Variants in PTP4A1 observed in about 807,000 individuals in gnomAD.
The protein encoded by PTP4A1 is protein tyrosine phosphatase type IVA 1.
PTP4A1 carries 9 observed loss-of-function variants against 20.5 expected under a neutral mutation model. That is an observed-to-expected ratio of 0.44 (90% CI 0.26 to 0.77). The LOEUF (loss-of-function observed/expected upper bound fraction) is 0.77, where lower values mean the gene tolerates loss of function less well. Ranked by LOEUF, PTP4A1 falls within the 30% of genes least tolerant of loss-of-function variation. The pLI is 0.19. For synonymous variants in PTP4A1, 78 were observed against 67.4 expected (o/e 1.16, Z -0.77); for missense variants, 137 against 218.8 (o/e 0.63, Z 2.36).
chr6:63,533,883 G>A (rs182829013), intron 2 of PTP4A1, among the ~76,000 whole-genome samples: 32 of 151,702 alleles, frequency 2.1e-4, no homozygotes, highest in Middle Eastern at 6.8e-3. Flanking sequence ...TCACTCTGTC[G>A]TCCAAGCTGG....
intron 3 of PTP4A1, among the ~76,000 whole-genome samples, chr6:63,567,394 T>C (rs890485349): frequency 3.3e-5 from 5 of 152,216 alleles, no homozygotes; most frequent in Non-Finnish European, 7.3e-5. Context: ...ATGAAAACAA[T>C]ATTACTCTCC....
chr6:63,568,904 A>G (rs1337358053), upstream of PTP4A1, among the ~76,000 whole-genome samples: 1 of 152,184 alleles, frequency 6.6e-6, no homozygotes, highest in East Asian at 1.9e-4. Flanking sequence ...TTACTAGATT[A>G]TGGCCCATTG....
chr6:63,571,807 C>T (rs909944110), upstream of PTP4A1: 6 of 152,216 alleles, frequency 3.9e-5, no homozygotes. Context: ...TCAAAAGATA[C>T]TCTCCCCATC....
chr6:63,525,431 A>C (rs1775118796), intron 1 of PTP4A1, among the ~76,000 whole-genome samples: 1 of 152,176 alleles, frequency 6.6e-6, no homozygotes, highest in South Asian at 2.1e-4. Context: ...TATTCTTGTC[A>C]GTATCACCTA....
At chr6:63,541,868 T>G (rs567937050) in intron 2 of PTP4A1, among the ~76,000 whole-genome samples, 58 of 152,330 alleles carry the variant, frequency 3.8e-4, no homozygotes, top group African/African-American at 1.4e-3. Flanking sequence ...TATTTCCCTC[T>G]GTACTATGTC....
intron 2 of PTP4A1, among the ~76,000 whole-genome samples, chr6:63,530,993 A>G: frequency 6.6e-6 from 1 of 152,218 alleles, no homozygotes; most frequent in South Asian, 2.1e-4. Context: ...TAGCTTTATA[A>G]TTTCAACTAT....
At chr6:63,539,991 T>C (rs1207072623) in intron 2 of PTP4A1, among the ~76,000 whole-genome samples, 3 of 152,200 alleles carry the variant, frequency 2.0e-5, no homozygotes, top group Non-Finnish European at 4.4e-5. Context: ...AATAGGAATG[T>C]TCATGACTGT....
intron 1 of PTP4A1, among the ~76,000 whole-genome samples, chr6:63,522,194 A>G (rs1333131964): frequency 6.6e-6 from 1 of 152,206 alleles, no homozygotes; most frequent in Non-Finnish European, 1.5e-5. Context: ...ATGGAATGTC[A>G]TATTCCTTTT....
At chr6:63,542,920 T>C (rs928816736) in intron 2 of PTP4A1, among the ~76,000 whole-genome samples, 7 of 152,190 alleles carry the variant, frequency 4.6e-5, no homozygotes, top group African/African-American at 1.7e-4. Flanking sequence ...TCCTAACCCT[T>C]GCAAACCATT....
chr6:63,578,813 A>T, intron 3 of PTP4A1, 85 bp from the exon 4 acceptor site: 1 of 1,302,908 alleles, frequency 7.7e-7, no homozygotes, highest in Non-Finnish European at 1.0e-6. Flanking sequence ...ATGCTTTTGA[A>T]AACATTTCCA....
intron 3 of PTP4A1, among the ~76,000 whole-genome samples, chr6:63,565,671 T>G (rs544008942): frequency 6.6e-6 from 1 of 152,328 alleles, no homozygotes; most frequent in South Asian, 2.1e-4. Flanking sequence ...GCCTTTGGAC[T>G]TTGTCCTTAG....
intron 1 of PTP4A1, 29 bp from the exon 2 acceptor site, chr6:63,576,405 TTC>T (rs952747250): frequency 2.5e-6 from 1 of 399,940 alleles, no homozygotes; most frequent in Non-Finnish European, 4.4e-6. Context: ...AAATAACTTA[TTC>T]TCTCTTTCTG....
chr6:63,541,905 C>T (rs1775993519), intron 2 of PTP4A1, among the ~76,000 whole-genome samples: 2 of 152,120 alleles, frequency 1.3e-5, no homozygotes, highest in African/African-American at 4.8e-5. Context: ...CAACCATTTC[C>T]TGGTGTCTCC....
At chr6:63,536,311 C>T (rs1039941592) in intron 2 of PTP4A1, among the ~76,000 whole-genome samples, 2 of 151,912 alleles carry the variant, frequency 1.3e-5, no homozygotes, top group Admixed American at 1.3e-4. Flanking sequence ...GCCTGAGCAA[C>T]AAGAGCTAGA....
chr6:63,541,111 G>A (rs1002284474), intron 2 of PTP4A1, among the ~76,000 whole-genome samples: 1 of 152,086 alleles, frequency 6.6e-6, no homozygotes, highest in African/African-American at 2.4e-5. Context: ...AAACTAAGGA[G>A]TATAATTAAC....
At chr6:63,562,560 T>G (rs1715315952) in intron 3 of PTP4A1, among the ~76,000 whole-genome samples, 3 of 152,234 alleles carry the variant, frequency 2.0e-5, no homozygotes, top group Admixed American at 2.0e-4. Context: ...TATCACCCAC[T>G]ATGAGTTGAT....
At chr6:63,579,723 C>T (rs1581951688) in intron 5 of PTP4A1, among the ~76,000 whole-genome samples, 1 of 152,112 alleles carries the variant, frequency 6.6e-6, no homozygotes, top group Non-Finnish European at 1.5e-5. Context: ...GTAGAACATG[C>T]CTTTGTGGCT....
At chr6:63,527,728 T>C (rs974814343) in intron 1 of PTP4A1, 1 of 152,172 alleles carries the variant, frequency 6.6e-6, no homozygotes, top group Non-Finnish European at 1.5e-5. Context: ...CTCTTTCACA[T>C]ACATTGCATG....
chr6:63,542,321 A>G (rs1214593047), intron 2 of PTP4A1, among the ~76,000 whole-genome samples: 2 of 152,004 alleles, frequency 1.3e-5, no homozygotes, highest in Admixed American at 1.3e-4. Context: ...AATTGAGTGC[A>G]GTGTATACTG....
Sources: allele counts gnomAD v4.1 joint callset (sites outside exome capture counted in the v4.1 genomes callset), GRCh38; gene constraint gnomAD v4.1.1; transcripts MANE v1.5; gene names NCBI Gene and HGNC (gene_info 2026-07-23, HGNC 2026-07-21).